The following DACH2 variants were observed in gnomAD, a reference collection of about 807,000 sequenced individuals.
DACH2 encodes the protein dachshund homolog 2.
In DACH2, 17 loss-of-function variants were observed where a neutral mutation model predicts 35.8. The ratio of observed to expected loss-of-function variants is 0.48; its 90% CI spans 0.33 to 0.71. The LOEUF is 0.71. Among genes scored for constraint, DACH2 ranks in the 30% least tolerant of loss-of-function variants. The probability of loss-of-function intolerance (pLI) is 0.02; values close to 1 mark genes in which losing one functional copy is unlikely to be tolerated. For synonymous variants in DACH2, 195 were observed against 177.3 expected, an observed-to-expected ratio of 1.10 and a Z score of -0.79; for missense variants, 469 against 472.7, an observed-to-expected ratio of 0.99 and a Z score of 0.07.
chrX:86,168,449 T>G (rs755379281), intron 1 of DACH2, among the ~76,000 whole-genome samples: 1 of 111,289 alleles, frequency 9.0e-6, no homozygotes, highest in African/African-American at 3.3e-5. Flanking sequence ...GTGTGTTTCT[T>G]GTGGGCAACG....
intron 6 of DACH2, among the ~76,000 whole-genome samples, chrX:86,725,156 A>G (rs2041451968): frequency 9.0e-6 from 1 of 110,751 alleles, no homozygotes; most frequent in South Asian, 3.8e-4. Flanking sequence ...TAAAATTAAC[A>G]TTTTGAATAT....
chrX:86,484,181 T>A (rs910091289), intron 2 of DACH2, among the ~76,000 whole-genome samples: 1 of 111,736 alleles, frequency 8.9e-6, no homozygotes, highest in Non-Finnish European at 1.9e-5. Flanking sequence ...GGAGAAGGGC[T>A]GTTGAATTCT....
At chrX:86,512,300 A>AT (rs34776310) in intron 2 of DACH2, among the ~76,000 whole-genome samples, 9,423 of 102,421 alleles carry the variant, frequency 0.092, 409 homozygotes, top group Non-Finnish European at 0.13. Context: ...CTGTGAAACC[A>AT]TTTTTTTTTT....
chrX:86,717,758 A>ATG (rs1293088969), intron 6 of DACH2, among the ~76,000 whole-genome samples: 1 of 104,427 alleles, frequency 9.6e-6, no homozygotes, highest in African/African-American at 3.5e-5. Context: ...ATATATATAT[A>ATG]TATATACATA....
At chrX:86,404,472 C>A (rs1437076317) in intron 2 of DACH2, among the ~76,000 whole-genome samples, 1 of 112,066 alleles carries the variant, frequency 8.9e-6, no homozygotes, top group Admixed American at 9.4e-5. Flanking sequence ...AGTCATTTAA[C>A]CTTAAAGTTC....
At chrX:86,321,379 G>T (rs2035013282) in intron 1 of DACH2, among the ~76,000 whole-genome samples, 1 of 111,997 alleles carries the variant, frequency 8.9e-6, no homozygotes, top group South Asian at 3.7e-4. Context: ...TGAATTGGGA[G>T]ACAAGGAGGT....
chrX:86,514,242 T>C, intron 2 of DACH2, 37 bp from the exon 3 acceptor site: 1 of 1,137,827 alleles, frequency 8.8e-7, no homozygotes, highest in African/African-American at 1.8e-5. Flanking sequence ...AAGAGTACAT[T>C]TTTAACCTTT....
At chrX:86,380,605 G>C (rs2036031831) in intron 2 of DACH2, among the ~76,000 whole-genome samples, 1 of 110,002 alleles carries the variant, frequency 9.1e-6, no homozygotes, top group Non-Finnish European at 1.9e-5. Flanking sequence ...TCTACATTTT[G>C]CTACACTTAA....
intron 1 of DACH2, among the ~76,000 whole-genome samples, chrX:86,364,047 C>CA (rs746927536): frequency 5.4e-5 from 6 of 111,453 alleles, no homozygotes; most frequent in Admixed American, 1.9e-4. Flanking sequence ...AGACACTAAA[C>CA]ACCTTTGAGC....
chrX:86,161,033 G>A (rs763028287), intron 1 of DACH2: 16 of 988,905 alleles, frequency 1.6e-5, no homozygotes, highest in Middle Eastern at 3.7e-4. Context: ...ACGAAGGCAC[G>A]TTAGCAGTTG....
At chrX:86,358,938 A>G (rs1451630445) in intron 1 of DACH2, among the ~76,000 whole-genome samples, 8 of 111,507 alleles carry the variant, frequency 7.2e-5, no homozygotes, top group Admixed American at 5.8e-4. Flanking sequence ...AAGTTTAAAA[A>G]ACTTTCAGAT....
At chrX:86,397,985 C>G (rs1202782075) in intron 2 of DACH2, among the ~76,000 whole-genome samples, 1 of 111,595 alleles carries the variant, frequency 9.0e-6, no homozygotes, top group African/African-American at 3.3e-5. Context: ...CTCCTTTTAC[C>G]TCTGGTAGAA....
chrX:86,306,913 G>A (rs2034699943), intron 1 of DACH2, among the ~76,000 whole-genome samples: 1 of 111,553 alleles, frequency 9.0e-6, no homozygotes, highest in Non-Finnish European at 1.9e-5. Context: ...TGGGGTTTCT[G>A]AAGTTGGCTG....
At chrX:86,824,876 G>T (rs942176792) in intron 11 of DACH2, among the ~76,000 whole-genome samples, 1 of 111,827 alleles carries the variant, frequency 8.9e-6, no homozygotes, top group Non-Finnish European at 1.9e-5. Context: ...TATGGGAAAT[G>T]TTGGATGTCA....
intron 3 of DACH2, among the ~76,000 whole-genome samples, chrX:86,595,706 G>GC (rs1372398488): frequency 9.3e-6 from 1 of 108,019 alleles, no homozygotes; most frequent in Non-Finnish European, 1.9e-5. Flanking sequence ...TTCCTTTTCT[G>GC]CATTTTCTGG....
chrX:86,539,413 C>A (rs1602624022), intron 3 of DACH2, among the ~76,000 whole-genome samples: 2 of 111,655 alleles, frequency 1.8e-5, no homozygotes, highest in African/African-American at 6.5e-5. Flanking sequence ...TAGACTAATA[C>A]AGACACCTTC....
intron 7 of DACH2, among the ~76,000 whole-genome samples, chrX:86,808,758 A>T (rs190703064): frequency 2.7e-5 from 3 of 111,072 alleles, no homozygotes; most frequent in South Asian, 7.6e-4. Flanking sequence ...CCTGGTAGGT[A>T]GCTACAATTT....
At chrX:86,713,429 C>G (rs771230916) in intron 5 of DACH2, among the ~76,000 whole-genome samples, 2 of 111,047 alleles carry the variant, frequency 1.8e-5, no homozygotes, top group African/African-American at 3.3e-5. Flanking sequence ...AAAAGTGAAG[C>G]GATTACCAAG....
At chrX:86,618,800 G>A (rs1399152305) in intron 3 of DACH2, among the ~76,000 whole-genome samples, 1 of 111,380 alleles carries the variant, frequency 9.0e-6, no homozygotes, top group Non-Finnish European at 1.9e-5. Flanking sequence ...CAATTCTACT[G>A]TGGTTACTTA....
Sources: allele counts gnomAD v4.1 joint callset (sites outside exome capture counted in the v4.1 genomes callset), GRCh38; gene constraint gnomAD v4.1.1; transcripts MANE v1.5; gene names NCBI Gene and HGNC (gene_info 2026-07-23, HGNC 2026-07-21).